PRKCH: variants seen among roughly 807,000 people sequenced by gnomAD.
PRKCH encodes protein kinase C eta type.
PRKCH carries 28 observed loss-of-function variants against 82.5 expected under a neutral mutation model. The ratio of observed to expected loss-of-function variants is 0.34; its 90% CI spans 0.25 to 0.47. PRKCH has a LOEUF of 0.47. PRKCH is among the 20% of genes least tolerant of loss of function. The probability of loss-of-function intolerance (pLI) is 1.00; values close to 1 mark genes in which losing one functional copy is unlikely to be tolerated. For synonymous variants in PRKCH, 322 were observed against 327.4 expected, an observed-to-expected ratio of 0.98 and a Z score of 0.18; for missense variants, 705 against 881.8, an observed-to-expected ratio of 0.80 and a Z score of 2.54.
chr14:61,392,850 T>G (rs1451331732), intron 2 of PRKCH, among the ~76,000 whole-genome samples: 1 of 152,036 alleles, frequency 6.6e-6, no homozygotes, highest in African/African-American at 2.4e-5. Flanking sequence ...TTTTGTTTTT[T>G]TTTTTTAAGA....
chr14:61,195,795 G>A (rs532610068), intron 1 of PRKCH, among the ~76,000 whole-genome samples: 3 of 151,866 alleles, frequency 2.0e-5, no homozygotes, highest in South Asian at 4.2e-4. Flanking sequence ...GGACATGGAG[G>A]AGAGAGAGAG....
intron 9 of PRKCH, among the ~76,000 whole-genome samples, chr14:61,481,302 A>G (rs17098472): frequency 0.052 from 7,908 of 152,270 alleles, 433 homozygotes; most frequent in East Asian, 0.24. Context: ...CCTGCGCACC[A>G]GGCTCCAAGT....
intron 1 of PRKCH, among the ~76,000 whole-genome samples, chr14:61,270,200 G>A (rs1021204012): frequency 1.3e-5 from 2 of 152,184 alleles, no homozygotes; most frequent in Admixed American, 6.5e-5. Flanking sequence ...GGGCATGGTG[G>A]CTCACACCTG....
At chr14:61,447,921 A>T (rs1336867170) in intron 4 of PRKCH, among the ~76,000 whole-genome samples, 1 of 152,210 alleles carries the variant, frequency 6.6e-6, no homozygotes, top group Non-Finnish European at 1.5e-5. Flanking sequence ...TCAAGCGAGC[A>T]TAAGAAAAGA....
chr14:61,523,797 A>G (rs1164158920), intron 10 of PRKCH, among the ~76,000 whole-genome samples: 1 of 152,242 alleles, frequency 6.6e-6, no homozygotes, highest in Non-Finnish European at 1.5e-5. Flanking sequence ...GTTGTACTCT[A>G]TTAAAGAATT....
chr14:61,340,243 G>C, intron 1 of PRKCH, among the ~76,000 whole-genome samples: 1 of 151,998 alleles, frequency 6.6e-6, no homozygotes, highest in East Asian at 1.9e-4. Context: ...CTTGTTGGCT[G>C]CTACCTTCTT....
At chr14:61,233,842 T>C (rs969236888) in intron 1 of PRKCH, among the ~76,000 whole-genome samples, 1 of 152,240 alleles carries the variant, frequency 6.6e-6, no homozygotes, top group African/African-American at 2.4e-5. Context: ...CCTCTTTCCT[T>C]TATAAATTAC....
chr14:61,252,946 C>A (rs953828771), intron 1 of PRKCH, among the ~76,000 whole-genome samples: 2 of 152,092 alleles, frequency 1.3e-5, no homozygotes, highest in Admixed American at 1.3e-4. Flanking sequence ...CTCTTCTGAG[C>A]GTATGGTGGG....
At chr14:61,499,541 C>G (rs903752568) in intron 10 of PRKCH, among the ~76,000 whole-genome samples, 2 of 152,100 alleles carry the variant, frequency 1.3e-5, no homozygotes, top group African/African-American at 4.8e-5. Flanking sequence ...CCTCTGGCCT[C>G]CAGAGTAGCC....
At chr14:61,318,144 G>A (rs2045579018), upstream of PRKCH, among the ~76,000 whole-genome samples, 1 of 151,782 alleles carries the variant, frequency 6.6e-6, no homozygotes, top group African/African-American at 2.4e-5. Context: ...CATGATCATA[G>A]GTCACTACAG....
intron 1 of PRKCH, among the ~76,000 whole-genome samples, chr14:61,238,051 G>A (rs959341315): frequency 6.6e-6 from 1 of 152,230 alleles, no homozygotes; most frequent in Non-Finnish European, 1.5e-5. Flanking sequence ...GTAACAGTCT[G>A]TTTATACATC....
At chr14:61,468,230 C>T (rs530255851) in intron 9 of PRKCH, among the ~76,000 whole-genome samples, 43 of 152,288 alleles carry the variant, frequency 2.8e-4, no homozygotes, top group Admixed American at 2.0e-3. Context: ...TGGTTTGCTG[C>T]GGGTCATTTG....
chr14:61,379,945 A>G (rs2046478380), intron 1 of PRKCH, among the ~76,000 whole-genome samples: 1 of 152,122 alleles, frequency 6.6e-6, no homozygotes, highest in South Asian at 2.1e-4. Context: ...GGGGATGCAC[A>G]ATTACTCTTC....
intron 1 of PRKCH, among the ~76,000 whole-genome samples, chr14:61,228,131 T>C (rs2044712319): frequency 6.6e-6 from 1 of 152,112 alleles, no homozygotes; most frequent in South Asian, 2.1e-4. Context: ...CATTATACAG[T>C]AGAGAAGAGG....
chr14:61,225,038 C>T (rs1283837547), intron 1 of PRKCH, among the ~76,000 whole-genome samples: 2 of 152,202 alleles, frequency 1.3e-5, no homozygotes, highest in African/African-American at 4.8e-5. Context: ...AATTATGTCT[C>T]CTACCTAAGC....
intron 1 of PRKCH, among the ~76,000 whole-genome samples, chr14:61,192,947 A>C (rs1238175430): frequency 2.0e-5 from 3 of 152,238 alleles, no homozygotes; most frequent in Non-Finnish European, 4.4e-5. Flanking sequence ...CATGCATCTA[A>C]AATGTGCATG....
chr14:61,320,443 T>C (rs1420610872), upstream of PRKCH, among the ~76,000 whole-genome samples: 1 of 151,986 alleles, frequency 6.6e-6, no homozygotes, highest in Non-Finnish European at 1.5e-5. Context: ...CTACTAAAAA[T>C]ACAAAATTAG....
At chr14:61,255,131 A>T (rs1005715282) in intron 1 of PRKCH, among the ~76,000 whole-genome samples, 1 of 152,362 alleles carries the variant, frequency 6.6e-6, no homozygotes, top group East Asian at 1.9e-4. Flanking sequence ...AGCAAATTCA[A>T]TTCCTCTCAA....
chr14:61,231,848 C>T (rs922675777), intron 1 of PRKCH, among the ~76,000 whole-genome samples: 3 of 152,156 alleles, frequency 2.0e-5, no homozygotes, highest in African/African-American at 7.2e-5. Context: ...AAAACAGACT[C>T]CCCTTCTTCC....
Sources: allele counts gnomAD v4.1 joint callset (sites outside exome capture counted in the v4.1 genomes callset), GRCh38; gene constraint gnomAD v4.1.1; transcripts MANE v1.5; gene names NCBI Gene and HGNC (gene_info 2026-07-23, HGNC 2026-07-21).